The following ADGRD1 variants were observed in gnomAD, a reference collection of about 807,000 sequenced individuals.
ADGRD1 encodes the protein G-protein coupled receptor 133.
ADGRD1 carries 77 observed loss-of-function variants against 113.4 expected under a neutral mutation model. That is an observed-to-expected ratio of 0.68 (90% CI 0.57 to 0.82). The LOEUF (loss-of-function observed/expected upper bound fraction) is 0.82, where lower values mean the gene tolerates loss of function less well. Ranked by LOEUF, ADGRD1 falls within the 40% of genes least tolerant of loss-of-function variation. ADGRD1 has a pLI of 0.00. For synonymous variants in ADGRD1, 474 were observed against 475.0 expected (o/e 1.00, Z 0.03); for missense variants, 1,036 against 1,139.1 (o/e 0.91, Z 1.30).
intron 18 of ADGRD1, 97 bp from the exon 19 acceptor site, chr12:131,118,288 G>A (rs1950514093): frequency 3.7e-6 from 3 of 819,502 alleles, no homozygotes; most frequent in Non-Finnish European, 4.1e-6. Context: ...TGTATGAGGT[G>A]TACAAGGAAT....
At chr12:130,977,120 C>T (rs765741998) in intron 4 of ADGRD1, 2 of 152,256 alleles carry the variant, frequency 1.3e-5, no homozygotes, top group Non-Finnish European at 2.9e-5. Flanking sequence ...CTGCACCCCA[C>T]TGGCAGCAGT....
chr12:131,081,042 C>T (rs1170553938), intron 14 of ADGRD1, among the ~76,000 whole-genome samples: 1 of 152,086 alleles, frequency 6.6e-6, no homozygotes. Flanking sequence ...CCCTCTTTAC[C>T]CTGGGAAATA....
rs2136987795 is a variant in ADGRD1 at position 131,041,832 on chromosome 12, C to T, written c.1473+27492C>T. 6.6e-6 allele frequency among the ~76,000 whole-genome samples: 1 copy of T among 152,340 alleles called. No homozygotes were observed. Among genetic ancestry groups the T allele is most frequent in the Admixed American group, 6.5e-5 (1 of 15,304 alleles). ...TGGGGTCTTTGCCCACGTCACATTC[C>T]CTCCCCACGGTCCTCCTTTCCTGGG... On this transcript the variant is annotated intron_variant, in intron 13 of 24. Coordinates refer to ENST00000261654, the MANE Select transcript of ADGRD1 (RefSeq NM_198827.5). The surrounding 1 kb of genome is among the most constrained non-coding windows in gnomAD (Gnocchi z 4.4).
chr12:131,093,644 C>A (rs971556419), intron 15 of ADGRD1, among the ~76,000 whole-genome samples: 1 of 152,200 alleles, frequency 6.6e-6, no homozygotes, highest in African/African-American at 2.4e-5. Flanking sequence ...TGCCGGCAGC[C>A]GCAGCATGTA....
intron 21 of ADGRD1, among the ~76,000 whole-genome samples, chr12:131,132,749 G>A (rs772843192): frequency 4.6e-5 from 7 of 152,168 alleles, no homozygotes; most frequent in Admixed American, 6.5e-5. Flanking sequence ...TCATATGACC[G>A]TGTGACTGTT....
chr12:131,078,319 C>A (rs559007557), intron 14 of ADGRD1, among the ~76,000 whole-genome samples: 2 of 152,314 alleles, frequency 1.3e-5, no homozygotes, highest in Admixed American at 6.5e-5. Context: ...ATTTTTGACC[C>A]CCGGGATGCC....
intron 2 of ADGRD1, among the ~76,000 whole-genome samples, chr12:130,961,464 T>C (rs1870353092): frequency 6.6e-6 from 1 of 152,138 alleles, no homozygotes; most frequent in African/African-American, 2.4e-5. Flanking sequence ...TCTCTGGCTC[T>C]GTCCCCTGCT....
intron 14 of ADGRD1, among the ~76,000 whole-genome samples, chr12:131,081,955 T>G (rs1185832804): frequency 6.6e-6 from 1 of 152,186 alleles, no homozygotes; most frequent in Admixed American, 6.5e-5. Context: ...TATCAATATA[T>G]TATTTTGTTC....
intron 12 of ADGRD1, among the ~76,000 whole-genome samples, chr12:131,011,886 G>A (rs944542087): frequency 1.3e-5 from 2 of 152,232 alleles, no homozygotes; most frequent in South Asian, 4.1e-4. Flanking sequence ...ACGTCTTAGG[G>A]CCTTGGAGTC....
chr12:131,095,596 G>C (rs753599427), intron 15 of ADGRD1, among the ~76,000 whole-genome samples: 1 of 152,212 alleles, frequency 6.6e-6, no homozygotes, highest in African/African-American at 2.4e-5. Flanking sequence ...TGGGAACATG[G>C]TCAGGGGCCA....
At chr12:131,101,749 C>G (rs1950094525) in intron 15 of ADGRD1, among the ~76,000 whole-genome samples, 1 of 152,164 alleles carries the variant, frequency 6.6e-6, no homozygotes, top group Non-Finnish European at 1.5e-5. Flanking sequence ...TTCCAAGAAC[C>G]ATTCCCTCTG....
intron 12 of ADGRD1, among the ~76,000 whole-genome samples, chr12:131,006,298 A>G (rs1417512051): frequency 6.6e-6 from 1 of 152,234 alleles, no homozygotes; most frequent in East Asian, 1.9e-4. Flanking sequence ...CCTGGACAGA[A>G]CTGTGTGACC....
At chr12:130,996,246 C>G (rs531780030) in intron 8 of ADGRD1, among the ~76,000 whole-genome samples, 6 of 143,946 alleles carry the variant, frequency 4.2e-5, no homozygotes, top group African/African-American at 1.6e-4. Flanking sequence ...TTCTATTCCA[C>G]AAAGCCGCGA....
intron 13 of ADGRD1, among the ~76,000 whole-genome samples, chr12:131,048,554 T>C (rs943338808): frequency 1.3e-5 from 2 of 152,134 alleles, no homozygotes; most frequent in African/African-American, 4.8e-5. Context: ...GAGTCTCTGG[T>C]GATCCGGGGC....
intron 3 of ADGRD1, chr12:130,967,854 C>A (rs780635561): frequency 6.6e-6 from 1 of 152,276 alleles, no homozygotes; most frequent in African/African-American, 2.4e-5. Context: ...AACCACCCTA[C>A]AGCCAGATGT....
rs1870876930 is a variant in ADGRD1 at position 130,965,237 on chromosome 12, A to G, written c.104-1226A>G. On this transcript the variant is annotated intron_variant, in intron 2 of 24. Transcript: ENST00000261654. The surrounding 1 kb of genome is among the most constrained non-coding windows in gnomAD (Gnocchi z 4.8). Reference sequence around the variant, plus strand: ...ATTGACATTTGTATATTAAATTTGTACAAGCCTCCTTGCTAAATTCTTTTG... The same window carrying G: ...ATTGACATTTGTATATTAAATTTGTGCAAGCCTCCTTGCTAAATTCTTTTG... Among the ~76,000 whole-genome samples the G allele has an allele frequency of 6.6e-6, 1 of 152,220 alleles. No individual in the cohort carries two copies.
At position 131,041,793 on chromosome 12, in the gene ADGRD1, C is replaced by G. The variant is rs1328349145; in HGVS notation, c.1473+27453C>G. 6.6e-6 allele frequency among the ~76,000 whole-genome samples: 1 copy of G among 152,228 alleles called. No homozygotes were observed. The highest frequency in any genetic ancestry group is 1.5e-5 in the Non-Finnish European group (1 of 68,042). On this transcript the variant is annotated intron_variant, in intron 13 of 24. Coordinates refer to ENST00000261654, the MANE Select transcript of ADGRD1 (RefSeq NM_198827.5). This position sits in a 1 kb window ranked among gnomAD's most constrained non-coding sequence, Gnocchi z 4.4. ...TCTGCCTGCACCCGCCTGGGAAGCA[C>G]ATTCTCCCTCTTCTGGGGTCTTTGC... is the stretch of plus-strand genomic sequence containing the variant.
At chr12:131,100,535 T>C (rs1950044883) in intron 15 of ADGRD1, among the ~76,000 whole-genome samples, 1 of 151,944 alleles carries the variant, frequency 6.6e-6, no homozygotes, top group South Asian at 2.1e-4. Flanking sequence ...GGTTGGTTGA[T>C]GGTAGGCTTG....
Position 130,971,394 on chromosome 12 carries a change from A to T in ADGRD1, c.188-64A>T. 1 of 1,403,646 alleles carries T rather than the reference A, an allele frequency of 7.1e-7. No homozygotes were observed. The highest frequency in any genetic ancestry group is 9.9e-7 in the Non-Finnish European group (1 of 1,006,844). The allele number at this position is 1,403,646 out of a possible 1,614,324, so 86.9% of individuals were successfully genotyped here. A position where few individuals can be genotyped will look rare whatever the true frequency, so the allele number is the denominator to read the frequency against. ...CATAAGTTATTTGTAGGTCTGACAC[A>T]CATCTTCAGACTTTTAATCTCGGAA... On this transcript the variant is annotated intron_variant, in intron 3 of 24. Coordinates refer to ENST00000261654, the MANE Select transcript of ADGRD1 (RefSeq NM_198827.5). This position sits in a 1 kb window ranked among gnomAD's most constrained non-coding sequence, Gnocchi z 4.2.
Sources: allele counts gnomAD v4.1 joint callset (sites outside exome capture counted in the v4.1 genomes callset), GRCh38; gene constraint gnomAD v4.1.1; non-coding constraint Gnocchi (gnomAD v3.1); transcripts MANE v1.5; gene names NCBI Gene and HGNC (gene_info 2026-07-23, HGNC 2026-07-21).